SECISBP2L: variants seen among roughly 807,000 people sequenced by gnomAD.
The protein encoded by SECISBP2L is selenocysteine insertion sequence-binding protein 2-like.
A neutral mutation model predicts 114.7 loss-of-function variants in SECISBP2L; 43 were observed. The ratio of observed to expected loss-of-function variants is 0.38; its 90% CI spans 0.29 to 0.48. The LOEUF is 0.48. Ranked by LOEUF, SECISBP2L falls within the 20% of genes least tolerant of loss-of-function variation. SECISBP2L has a pLI of 0.98. For synonymous variants in SECISBP2L, 451 were observed against 439.7 expected (o/e 1.03, Z -0.32); for missense variants, 1,136 against 1,301.1 (o/e 0.87, Z 1.95).
chr15:49,023,282 T>C (rs1902677975), intron 7 of SECISBP2L, among the ~76,000 whole-genome samples: 1 of 152,068 alleles, frequency 6.6e-6, no homozygotes, highest in South Asian at 2.1e-4. Flanking sequence ...ATTCAAAAAA[T>C]GAGCAAAGGA....
At chr15:49,003,941 A>C (rs1292493934) in intron 14 of SECISBP2L, among the ~76,000 whole-genome samples, 1 of 152,204 alleles carries the variant, frequency 6.6e-6, no homozygotes, top group African/African-American at 2.4e-5. Context: ...TATCAGGATG[A>C]TGCTGGCCTC....
chr15:49,041,266 T>C (rs961734600), intron 1 of SECISBP2L, among the ~76,000 whole-genome samples: 2 of 152,252 alleles, frequency 1.3e-5, no homozygotes, highest in African/African-American at 2.4e-5. Flanking sequence ...AAAAAAATCA[T>C]AGTCCCAGAA....
chr15:49,009,394 G>A lies in SECISBP2L; in HGVS notation c.1865-16C>T. ...AGTCCAGTATCTGTGGAGATGTGGA[G>A]TGAAGGGAAAAAATTTAGAAACTTC... On this transcript the variant is annotated splice_polypyrimidine_tract_variant and intron_variant, in intron 13 of 17. Coordinates refer to ENST00000559471, the MANE Select transcript of SECISBP2L (RefSeq NM_001193489.2). 1 of 1,595,810 alleles carries A rather than the reference G, an allele frequency of 6.3e-7. No individual in the cohort carries two copies. Among genetic ancestry groups the A allele is most frequent in the Non-Finnish European group, 8.5e-7 (1 of 1,172,466 alleles).
At position 49,020,670 on chromosome 15, in the gene SECISBP2L, G is replaced by A. The variant is rs947474739; in HGVS notation, c.1036-1118C>T. ...CCACAGGTGTGCACCACCACACCCA[G>A]CTAATTTTTTTTATTTTCTGTAGAA... On this transcript the variant is annotated intron_variant, in intron 7 of 17. Coordinates refer to ENST00000559471, the MANE Select transcript of SECISBP2L (RefSeq NM_001193489.2). 4.6e-5 allele frequency among the ~76,000 whole-genome samples: 7 copies of A among 152,130 alleles called. No homozygotes were observed. The East Asian group carries it at 1.4e-3, about 29-fold the overall frequency.
rs748363243 is a variant in SECISBP2L at position 49,012,767 on chromosome 15, A to C, written c.1612T>G (p.Leu538Val). Residue 538 changes from leucine (L) to valine (V), a missense_variant, in exon 12 of 18, where the codon TTA becomes GTA. This residue lies in a region of SECISBP2L where 684 missense variants were observed against 848.7 expected (regional missense o/e 0.81). Coordinates refer to ENST00000559471, the MANE Select transcript of SECISBP2L (RefSeq NM_001193489.2). ...HTKDSTNRKP[L>V]TKSQPCLTSF... ...GTCAAACAGGGCTGACTTTTGGTTA[A>C]AGGTTTTCTATTAGTAGAGTCTTTA... 7 of 1,613,792 alleles carry C rather than the reference A, an allele frequency of 4.3e-6. No individual in the cohort carries two copies. Among genetic ancestry groups the C allele is most frequent in the Non-Finnish European group, 5.9e-6 (7 of 1,179,932 alleles).
At chr15:49,042,520 C>T (rs1425413664) in intron 1 of SECISBP2L, 2 of 152,100 alleles carry the variant, frequency 1.3e-5, no homozygotes, top group African/African-American at 2.4e-5. Flanking sequence ...TGATGCTGAA[C>T]TTAGTGCAGA....
At chr15:48,993,003 A>C (rs532203256) in intron 17 of SECISBP2L, 77 bp from the exon 18 acceptor site, 2 of 1,215,702 alleles carry the variant, frequency 1.6e-6, no homozygotes, top group Non-Finnish European at 2.3e-6. Flanking sequence ...ACCCCCAAAA[A>C]AGAAAGAACA....
rs944800370 is a variant in SECISBP2L, at chr15:48,991,355, C to G, written c.*889G>C. 2 of 152,560 alleles carry G rather than the reference C, an allele frequency of 1.3e-5. No individual in the cohort carries two copies. Among genetic ancestry groups the G allele is most frequent in the Non-Finnish European group, 1.5e-5 (1 of 68,032 alleles). 9.5% of individuals were successfully genotyped at this position (152,560 alleles called of 1,614,324 possible). The stretch of plus-strand genomic sequence containing the variant: ...AAATCCATATCTCAAATCAAGAGTC[C>G]TGAACCAGAAGCATGCAAGAGAACA... On this transcript the variant is annotated 3_prime_UTR_variant, in exon 18 of 18. Coordinates refer to ENST00000559471, the MANE Select transcript of SECISBP2L (RefSeq NM_001193489.2).
intron 1 of SECISBP2L, among the ~76,000 whole-genome samples, chr15:49,043,021 C>A (rs11634901): frequency 0.2 from 31,039 of 152,018 alleles, 3,848 homozygotes; most frequent in Middle Eastern, 0.3. Context: ...AGTGAGACTC[C>A]GTCTCAAAAA....
chr15:48,992,119 A>T lies in SECISBP2L; in HGVS notation c.*125T>A. The T allele has an allele frequency of 1.1e-6, 1 of 896,156 alleles. No individual in the cohort carries two copies. Among genetic ancestry groups the T allele is most frequent in the Non-Finnish European group, 1.7e-6 (1 of 604,956 alleles). The allele number at this position is 896,156 out of a possible 1,614,324, so 55.5% of individuals were successfully genotyped here. On this transcript the variant is annotated 3_prime_UTR_variant, in exon 18 of 18. Transcript: ENST00000559471. ...AGATCATAACAAGTAAAAGCTACAA[A>T]AATATTTGTTGGGAATTAAATACGT... is the stretch of plus-strand genomic sequence containing the variant.
intron 1 of SECISBP2L, among the ~76,000 whole-genome samples, chr15:49,044,834 A>G (rs771535585): frequency 4.1e-4 from 63 of 152,198 alleles, no homozygotes; most frequent in South Asian, 1.0e-3. Context: ...CTAGGATGAA[A>G]GGAACTCTAA....
At chr15:49,043,608 G>GT (rs5812473) in intron 1 of SECISBP2L, among the ~76,000 whole-genome samples, 3,364 of 143,802 alleles carry the variant, frequency 0.023, 44 homozygotes, top group African/African-American at 0.029. Context: ...CAAAATGCAA[G>GT]TTTTTTTTTT....
chr15:49,019,580 A>G, intron 7 of SECISBP2L, 28 bp from the exon 8 acceptor site: 1 of 1,426,722 alleles, frequency 7.0e-7, no homozygotes, highest in Non-Finnish European at 9.1e-7. Flanking sequence ...GGGAAAAAAA[A>G]TCTAATTATT....
intron 4 of SECISBP2L, 56 bp downstream of exon 4, chr15:49,032,909 G>A: frequency 6.3e-7 from 1 of 1,591,314 alleles, no homozygotes; most frequent in Non-Finnish European, 8.6e-7. Flanking sequence ...ATTATAAAGT[G>A]AATGAATGAA....
At chr15:49,016,824 T>C in intron 10 of SECISBP2L, 24 bp downstream of exon 10, 1 of 1,604,316 alleles carries the variant, frequency 6.2e-7, no homozygotes, top group South Asian at 1.1e-5. Flanking sequence ...ACTATCACAT[T>C]TGTTCATAAA....
At chr15:48,998,675 A>G (rs1902144866) in intron 16 of SECISBP2L, among the ~76,000 whole-genome samples, 1 of 152,184 alleles carries the variant, frequency 6.6e-6, no homozygotes, top group African/African-American at 2.4e-5. Context: ...TTCCAAGATT[A>G]GTTGTATCAG....
chr15:49,006,577 T>A (rs1902328899), intron 14 of SECISBP2L, among the ~76,000 whole-genome samples: 1 of 152,174 alleles, frequency 6.6e-6, no homozygotes, highest in Non-Finnish European at 1.5e-5. Context: ...GAAGTTCTCG[T>A]GCTGTTTTTC....
chr15:49,010,717 G>A (rs1032806680), intron 13 of SECISBP2L, among the ~76,000 whole-genome samples: 1 of 152,064 alleles, frequency 6.6e-6, no homozygotes, highest in African/African-American at 2.4e-5. Flanking sequence ...TTGCCTTGTT[G>A]TCCAGGCTGG....
At chr15:49,019,651 C>T in intron 7 of SECISBP2L, 99 bp from the exon 8 acceptor site, 1 of 999,018 alleles carries the variant, frequency 1.0e-6, no homozygotes, top group Non-Finnish European at 1.3e-6. Flanking sequence ...CGCAAGTGTA[C>T]AACTCAATAA....
Sources: gnomAD v4.1 joint callset for allele counts (sites outside exome capture counted in the v4.1 genomes callset) on GRCh38, gnomAD v4.1.1 for gene constraint, gnomAD v4.1.1 regional missense constraint, MANE v1.5 for transcripts, NCBI Gene and HGNC (gene_info 2026-07-23, HGNC 2026-07-21) for gene names.